Variants in MCM9 observed in about 807,000 individuals in gnomAD.
MCM9 encodes the protein minichromosome maintenance 9 homologous recombination repair factor, also known as DNA helicase MCM9.
In MCM9, 55 loss-of-function variants were observed where a neutral mutation model predicts 72.8. The ratio of observed to expected loss-of-function variants is 0.76; its 90% confidence interval spans 0.61 to 0.95. MCM9 has a LOEUF of 0.95. Among genes scored for constraint, MCM9 ranks in the 40% least tolerant of loss-of-function variants. The probability of loss-of-function intolerance (pLI) is 0.00; values close to 1 mark genes in which losing one functional copy is unlikely to be tolerated. For synonymous variants in MCM9, 480 were observed against 503.4 expected (o/e 0.95, Z 0.62); for missense variants, 1,279 against 1,377.0 (o/e 0.93, Z 1.13).
At chr6:118,848,109 C>G (rs1281910541) in intron 9 of MCM9, among the ~76,000 whole-genome samples, 1 of 151,784 alleles carries the variant, frequency 6.6e-6, no homozygotes, top group East Asian at 1.9e-4. Context: ...CCCAAAAAGA[C>G]CAATGGTGAA....
intron 8 of MCM9, among the ~76,000 whole-genome samples, chr6:118,886,061 A>C (rs1002750112): frequency 7.9e-5 from 12 of 152,048 alleles, no homozygotes; most frequent in African/African-American, 2.9e-4. Context: ...GGACCAAAAA[A>C]AAAAAACAAA....
Position 118,924,052 on chromosome 6 carries a change from G to A in MCM9, c.380C>T (p.Thr127Ile). The A allele has an allele frequency of 6.2e-7, 1 of 1,614,202 alleles. No homozygotes were observed. The highest frequency in any genetic ancestry group is 1.6e-4 in the Middle Eastern group (1 of 6,062). The stretch of plus-strand genomic sequence containing the variant: ...CAGACTTGTTCGAATCACTGTCCCA[G>A]TGACAGATAAAAAGTGTCCCACATC... ...TKDVGHFLSV[T>I]GTVIRTSLVK... Residue 127 changes from threonine (T) to isoleucine (I), a missense_variant, in exon 4 of 14, where the codon ACT (threonine) becomes ATT (isoleucine). By Grantham distance (89) the Thr-to-Ile change is moderately conservative. Coordinates refer to ENST00000619706, the MANE Select transcript of MCM9 (RefSeq NM_017696.3).
intron 8 of MCM9, among the ~76,000 whole-genome samples, chr6:118,864,528 G>A (rs1172695846): frequency 1.3e-5 from 2 of 151,846 alleles, no homozygotes; most frequent in Non-Finnish European, 1.5e-5. Context: ...GAAAGTCAGG[G>A]ACCAGCTGAG....
chr6:118,909,113 A>G (rs553373430), intron 8 of MCM9: 6 of 152,210 alleles, frequency 3.9e-5, no homozygotes, highest in Non-Finnish European at 7.4e-5. Flanking sequence ...GTCTAATTGC[A>G]ATTAAAAGAA....
At chr6:118,901,502 A>G (rs1451284598) in intron 8 of MCM9, among the ~76,000 whole-genome samples, 1 of 152,194 alleles carries the variant, frequency 6.6e-6, no homozygotes, top group African/African-American at 2.4e-5. Context: ...CCCACTAGGT[A>G]TTTGTGAAGA....
intron 9 of MCM9, among the ~76,000 whole-genome samples, chr6:118,838,556 C>G (rs1416847691): frequency 6.9e-6 from 1 of 144,706 alleles, no homozygotes; most frequent in South Asian, 2.2e-4. Context: ...CCCTGAGTAG[C>G]TGGGACTACA....
chr6:118,846,827 C>T (rs1227527220), intron 9 of MCM9, among the ~76,000 whole-genome samples: 1 of 151,706 alleles, frequency 6.6e-6, no homozygotes, highest in Non-Finnish European at 1.5e-5. Context: ...AGAATACCTA[C>T]TAATAATGAT....
intron 8 of MCM9, among the ~76,000 whole-genome samples, chr6:118,866,711 CG>C (rs1269199984): frequency 6.6e-6 from 1 of 152,060 alleles, no homozygotes; most frequent in Admixed American, 6.5e-5. Context: ...AAACAACTTA[CG>C]TATTATTGGC....
chr6:118,924,247 T>C, intron 3 of MCM9, 120 bp from the exon 4 acceptor site: 1 of 911,590 alleles, frequency 1.1e-6, no homozygotes, highest in East Asian at 2.4e-5. Flanking sequence ...AAAAAGATTG[T>C]GTTTTACTAA....
At chr6:118,871,297 T>A (rs1441332747) in intron 8 of MCM9, among the ~76,000 whole-genome samples, 1 of 152,216 alleles carries the variant, frequency 6.6e-6, no homozygotes, top group Non-Finnish European at 1.5e-5. Flanking sequence ...GTAGTATTTA[T>A]CCACAGGTTA....
At chr6:118,834,334 T>C (rs928489893) in intron 9 of MCM9, among the ~76,000 whole-genome samples, 1 of 152,188 alleles carries the variant, frequency 6.6e-6, no homozygotes. Context: ...TGTGTATGTG[T>C]CTTTATAGTA....
chr6:118,848,485 C>T (rs1776019785), intron 9 of MCM9, among the ~76,000 whole-genome samples: 1 of 151,864 alleles, frequency 6.6e-6, no homozygotes, highest in African/African-American at 2.4e-5. Flanking sequence ...CATATTATGG[C>T]TTCTCTTGTT....
rs115695112 is a variant in MCM9, at chr6:118,817,549, T to C, written c.1962-1255A>G. ...TATCCAGTGTATCATTGATGGGCACTTGGGATGGTTCCCAGTCTTTGCTAT... is the reference window on the plus strand; with the variant it reads ...TATCCAGTGTATCATTGATGGGCACCTGGGATGGTTCCCAGTCTTTGCTAT... On this transcript the variant is annotated intron_variant, in intron 13 of 13. Coordinates refer to ENST00000619706, the MANE Select transcript of MCM9 (RefSeq NM_017696.3). Among the ~76,000 whole-genome samples, 777 of 152,310 alleles carry C rather than the reference T, an allele frequency of 5.1e-3. 4 individuals carry two copies. Among genetic ancestry groups the C allele is most frequent in the African/African-American group, 0.017 (722 of 41,560 alleles).
intron 9 of MCM9, among the ~76,000 whole-genome samples, chr6:118,837,585 G>C (rs946185264): frequency 6.6e-6 from 1 of 152,132 alleles, no homozygotes; most frequent in African/African-American, 2.4e-5. Context: ...AGGATAGTTA[G>C]GTCTTCTTGT....
chr6:118,869,237 A>G (rs555217401), intron 8 of MCM9, among the ~76,000 whole-genome samples: 3 of 152,262 alleles, frequency 2.0e-5, no homozygotes, highest in African/African-American at 7.2e-5. Context: ...AAGGTGGGGA[A>G]CATCACACAC....
intron 9 of MCM9, among the ~76,000 whole-genome samples, chr6:118,850,609 C>T (rs1323531137): frequency 6.6e-6 from 1 of 151,598 alleles, no homozygotes; most frequent in Non-Finnish European, 1.5e-5. Flanking sequence ...TTTAATTTTG[C>T]TTTGCTTTAA....
At chr6:118,835,286 T>A (rs1244167586) in intron 9 of MCM9, among the ~76,000 whole-genome samples, 2 of 152,244 alleles carry the variant, frequency 1.3e-5, no homozygotes, top group Non-Finnish European at 2.9e-5. Context: ...GGTAGTGTGA[T>A]GCCTCCAGCT....
chr6:118,933,179 G>C (rs1782577579), intron 1 of MCM9, among the ~76,000 whole-genome samples: 1 of 152,180 alleles, frequency 6.6e-6, no homozygotes, highest in Non-Finnish European at 1.5e-5. Context: ...GCACTGGACA[G>C]TTAGAAACCA....
intron 4 of MCM9, 116 bp from the exon 5 acceptor site, chr6:118,922,202 T>C (rs528353234): frequency 5.7e-6 from 4 of 702,050 alleles, no homozygotes; most frequent in African/African-American, 3.7e-5. Context: ...TACGATTTAA[T>C]TATAATGGGG....
Sources: allele counts gnomAD v4.1 joint callset (sites outside exome capture counted in the v4.1 genomes callset), GRCh38; gene constraint gnomAD v4.1.1; transcripts MANE v1.5; gene names NCBI Gene and HGNC (gene_info 2026-07-23, HGNC 2026-07-21).